PCSK5: variants seen among roughly 807,000 people sequenced by gnomAD.
PCSK5 encodes the protein prohormone convertase 5.
A neutral mutation model predicts 233.2 loss-of-function variants in PCSK5; 129 were observed. The observed-to-expected ratio is 0.55, with a 90% CI of 0.48 to 0.64. PCSK5 has a LOEUF of 0.64. Ranked by LOEUF, PCSK5 falls within the 30% of genes least tolerant of loss-of-function variation. PCSK5 has a pLI of 0.00. For missense variants in PCSK5, 2,076 were observed against 2,430.1 expected, an observed-to-expected ratio of 0.85 and a Z score of 3.06; for synonymous variants, 825 against 879.2, an observed-to-expected ratio of 0.94 and a Z score of 1.09.
intron 8 of PCSK5, among the ~76,000 whole-genome samples, chr9:76,102,718 A>T (rs927138140): frequency 1.3e-5 from 2 of 152,192 alleles, no homozygotes; most frequent in South Asian, 2.1e-4. Flanking sequence ...GTATATACAC[A>T]TATGCACACA....
At chr9:76,177,761 G>T (rs1024027240) in intron 14 of PCSK5, among the ~76,000 whole-genome samples, 1 of 152,094 alleles carries the variant, frequency 6.6e-6, no homozygotes, top group Non-Finnish European at 1.5e-5. Context: ...TGGTTTTTCT[G>T]ATTATATCTC....
chr9:76,279,706 G>A (rs1163964944), intron 24 of PCSK5, among the ~76,000 whole-genome samples: 2 of 152,026 alleles, frequency 1.3e-5, no homozygotes, highest in Non-Finnish European at 2.9e-5. Context: ...CTGCATAAAT[G>A]TCTTCTTTTG....
chr9:76,223,277 G>A (rs1425279241), intron 20 of PCSK5, among the ~76,000 whole-genome samples: 1 of 152,152 alleles, frequency 6.6e-6, no homozygotes, highest in African/African-American at 2.4e-5. Context: ...GAAATATGAG[G>A]TATAAAAGAA....
chr9:76,151,324 G>C (rs879693598), intron 10 of PCSK5, among the ~76,000 whole-genome samples: 1 of 152,150 alleles, frequency 6.6e-6, no homozygotes, highest in African/African-American at 2.4e-5. Context: ...GGGAATTTGG[G>C]TAACTACCTT....
Position 76,362,663 on chromosome 9 carries a change from C to T in PCSK5, c.*3741C>T, listed in dbSNP as rs537334134. Among the ~76,000 whole-genome samples, 6 of 152,340 alleles carry T rather than the reference C, an allele frequency of 3.9e-5. No individual in the cohort carries two copies. The highest frequency in any genetic ancestry group is 2.1e-4 in the South Asian group (1 of 4,824). The stretch of plus-strand genomic sequence containing the variant: ...AAATGAAATCCACAGGCAGACAGCC[C>T]GGCGCTACGCCCTGGGCCTGGCAGT... On this transcript the variant is annotated 3_prime_UTR_variant, in exon 38 of 38. Coordinates refer to ENST00000674117, the MANE Select transcript of PCSK5 (RefSeq NM_001372043.1).
intron 35 of PCSK5, 36 bp from the exon 36 acceptor site, chr9:76,350,792 G>A (rs1391050545): frequency 6.5e-6 from 8 of 1,229,434 alleles, no homozygotes; most frequent in Non-Finnish European, 9.6e-6. Context: ...TGAAATCTAA[G>A]GTCAATCTCA....
At chr9:75,966,564 G>C (rs976594975) in intron 2 of PCSK5, among the ~76,000 whole-genome samples, 1 of 152,142 alleles carries the variant, frequency 6.6e-6, no homozygotes, top group Non-Finnish European at 1.5e-5. Flanking sequence ...TCTTTTAGTG[G>C]TTTTACAGAT....
intron 1 of PCSK5, among the ~76,000 whole-genome samples, chr9:75,907,210 C>G (rs1012363833): frequency 3.3e-5 from 5 of 151,226 alleles, no homozygotes; most frequent in African/African-American, 1.2e-4. Context: ...TTTCGGTCTA[C>G]AGGGACTTAA....
intron 3 of PCSK5, among the ~76,000 whole-genome samples, chr9:76,008,717 C>A (rs1213871797): frequency 6.6e-6 from 1 of 152,188 alleles, no homozygotes; most frequent in African/African-American, 2.4e-5. Flanking sequence ...GCCTCAGCCT[C>A]CCAAAGTGCT....
chr9:75,963,945 A>G (rs1825465869), intron 2 of PCSK5, among the ~76,000 whole-genome samples: 2 of 152,252 alleles, frequency 1.3e-5, no homozygotes, highest in Non-Finnish European at 2.9e-5. Context: ...GCAGAGGCTT[A>G]GGAGTGGGTT....
intron 36 of PCSK5, among the ~76,000 whole-genome samples, chr9:76,351,525 A>AAGGAAGG (rs371181753): frequency 4.9e-5 from 6 of 123,552 alleles, no homozygotes; most frequent in East Asian, 2.8e-4. Flanking sequence ...AGAAAGAAAG[A>AAGGAAGG]AAGAAAGGAA....
intron 5 of PCSK5, among the ~76,000 whole-genome samples, chr9:76,033,275 T>C (rs1828722304): frequency 6.6e-6 from 1 of 152,206 alleles, no homozygotes; most frequent in South Asian, 2.1e-4. Flanking sequence ...TGTAAGTCTG[T>C]GGCCTTAACA....
At chr9:76,217,041 T>C (rs1186164470) in intron 20 of PCSK5, among the ~76,000 whole-genome samples, 2 of 152,182 alleles carry the variant, frequency 1.3e-5, no homozygotes, top group African/African-American at 4.8e-5. Context: ...AGTTTCACCA[T>C]GTTGGCCAGG....
chr9:76,351,540 A>AGAAAGAAAGAAAG (rs1564197023), intron 36 of PCSK5, among the ~76,000 whole-genome samples: 2 of 96,796 alleles, frequency 2.1e-5, no homozygotes, highest in Middle Eastern at 4.4e-3. Flanking sequence ...AAGGAAGGAA[A>AGAAAGAAAGAAAG]GAAAGAGAAA....
chr9:76,358,008 G>A (rs1247210145), intron 37 of PCSK5, among the ~76,000 whole-genome samples: 2 of 152,186 alleles, frequency 1.3e-5, no homozygotes, highest in Non-Finnish European at 2.9e-5. Flanking sequence ...CCAAGATGAA[G>A]TATTTTCTTA....
chr9:76,064,487 G>C (rs1451411813), intron 5 of PCSK5, among the ~76,000 whole-genome samples: 1 of 147,636 alleles, frequency 6.8e-6, no homozygotes, highest in Non-Finnish European at 1.5e-5. Flanking sequence ...CCCGGATGGG[G>C]CGGCTGGCCG....
chr9:76,307,368 G>T (rs1002092029), intron 28 of PCSK5, among the ~76,000 whole-genome samples: 1 of 152,126 alleles, frequency 6.6e-6, no homozygotes, highest in Non-Finnish European at 1.5e-5. Flanking sequence ...ATTGATTGAG[G>T]GTCAGGGTCA....
Position 75,952,578 on chromosome 9 carries a change from T to C in PCSK5, c.297+20095T>C, listed in dbSNP as rs1016418583. Among the ~76,000 whole-genome samples, 5 of 152,194 alleles carry C rather than the reference T, an allele frequency of 3.3e-5. No homozygotes were observed. The East Asian group carries it at 9.6e-4, about 29-fold the overall frequency. On this transcript the variant is annotated intron_variant, in intron 2 of 37. Transcript: ENST00000674117. ...AGTCAAGACAAAGAACAGTCCCTGC[T>C]ACCTCCCACCAAAAATTCTCATGGG...
At chr9:76,180,074 T>C (rs1191645677) in intron 15 of PCSK5, among the ~76,000 whole-genome samples, 1 of 94,622 alleles carries the variant, frequency 1.1e-5, no homozygotes, top group Non-Finnish European at 2.1e-5. Flanking sequence ...TTTATATATA[T>C]ATGTGTGTGT....
Sources: gnomAD v4.1 joint callset for allele counts (sites outside exome capture counted in the v4.1 genomes callset) on GRCh38, gnomAD v4.1.1 for gene constraint, MANE v1.5 for transcripts, NCBI Gene and HGNC (gene_info 2026-07-23, HGNC 2026-07-21) for gene names.